DAPK2: variants seen among roughly 807,000 people sequenced by gnomAD.
DAPK2 encodes death-associated protein kinase 2.
A neutral mutation model predicts 44.1 loss-of-function variants in DAPK2; 35 were observed. The ratio of observed to expected loss-of-function variants is 0.79; its 90% CI spans 0.61 to 1.05. DAPK2 has a LOEUF of 1.05. Among genes scored for constraint, DAPK2 ranks in the 50% least tolerant of loss-of-function variants. DAPK2 has a pLI of 0.00. For synonymous variants in DAPK2, 174 were observed against 182.6 expected, an observed-to-expected ratio of 0.95 and a Z score of 0.38; for missense variants, 453 against 483.2, an observed-to-expected ratio of 0.94 and a Z score of 0.59.
chr15:63,922,690 C>T, intron 8 of DAPK2: 3 of 1,474,846 alleles, frequency 2.0e-6, no homozygotes, highest in Non-Finnish European at 2.7e-6. Flanking sequence ...TGAGAACATG[C>T]TTCTGCAAAC....
intron 3 of DAPK2, among the ~76,000 whole-genome samples, chr15:63,967,559 C>A (rs972043159): frequency 6.6e-6 from 1 of 151,832 alleles, no homozygotes; most frequent in African/African-American, 2.4e-5. Context: ...GGCGTGGTGG[C>A]AGGCACCTGT....
chr15:64,014,629 A>G (rs1038953733), intron 1 of DAPK2, among the ~76,000 whole-genome samples: 2 of 152,244 alleles, frequency 1.3e-5, no homozygotes, highest in African/African-American at 4.8e-5. Context: ...TTACACAAAA[A>G]TAAGACCTGG....
At chr15:63,930,155 C>G (rs1031891552) in intron 5 of DAPK2, among the ~76,000 whole-genome samples, 1 of 152,206 alleles carries the variant, frequency 6.6e-6, no homozygotes, top group Non-Finnish European at 1.5e-5. Context: ...TCCCCCTTGC[C>G]TCTCCTCTTG....
In DAPK2 at chr15:63,935,055, T is replaced by G. The variant is rs138030505; in HGVS notation, c.583+4177A>C. ...TCAATGTTTTGGGGTTTTTTTTTAA[T>G]TGTTCTTATTTGTTTTTCTTAAATC... On this transcript the variant is annotated intron_variant, in intron 4 of 10. Coordinates refer to ENST00000261891, the Ensembl canonical transcript of DAPK2. 5.0e-4 allele frequency among the ~76,000 whole-genome samples: 76 copies of G among 151,796 alleles called. No homozygotes were observed. In the East Asian group the frequency reaches 0.013, roughly 26 times the overall value.
intron 2 of DAPK2, among the ~76,000 whole-genome samples, chr15:63,978,498 G>A (rs1298197980): frequency 6.6e-6 from 1 of 152,126 alleles, no homozygotes; most frequent in African/African-American, 2.4e-5. Flanking sequence ...GAGACCTGGT[G>A]AGACATGGTC....
chr15:64,043,605 G>A (rs4776781), upstream of DAPK2, among the ~76,000 whole-genome samples: 17,166 of 152,250 alleles, frequency 0.11, 1,323 homozygotes, highest in South Asian at 0.34. Context: ...GGGAGAGTTG[G>A]AAGGGGAGCT....
At chr15:64,037,674 G>C (rs2080246350) in intron 1 of DAPK2, among the ~76,000 whole-genome samples, 1 of 152,172 alleles carries the variant, frequency 6.6e-6, no homozygotes, top group Non-Finnish European at 1.5e-5. Flanking sequence ...TTCAGAAGCT[G>C]AGTGGTCATT....
At position 63,923,317 on chromosome 15, in the gene DAPK2, T is replaced by C; in HGVS notation, c.858+1499A>G. 1.3e-6 allele frequency: 2 copies of C among 1,535,664 alleles called. No individual in the cohort carries two copies. The highest frequency in any genetic ancestry group is 8.7e-7 in the Non-Finnish European group (1 of 1,146,576). On this transcript the variant is annotated intron_variant, in intron 8 of 10. Coordinates refer to ENST00000261891, the Ensembl canonical transcript of DAPK2. This position sits in a 1 kb window ranked among gnomAD's most constrained non-coding sequence, Gnocchi z 4.2. ...GCTGGGTGGGCTCTGTCTTCCGCTGTTCAGGGGCTCTGCCTTCTCCTTTTG... is the reference window on the plus strand; with the variant it reads ...GCTGGGTGGGCTCTGTCTTCCGCTGCTCAGGGGCTCTGCCTTCTCCTTTTG...
intron 1 of DAPK2, among the ~76,000 whole-genome samples, chr15:64,033,273 G>T (rs1255582113): frequency 1.8e-5 from 2 of 110,812 alleles, no homozygotes; most frequent in East Asian, 2.6e-4. Context: ...GAGGGGGAGG[G>T]GGAAGGGGGA....
At chr15:63,985,049 C>T (rs2078631525) in intron 1 of DAPK2, among the ~76,000 whole-genome samples, 1 of 152,200 alleles carries the variant, frequency 6.6e-6, no homozygotes, top group Non-Finnish European at 1.5e-5. Context: ...CTCTCCATTG[C>T]CTTAATCTCC....
chr15:63,928,825 A>G (rs187083647), intron 6 of DAPK2, among the ~76,000 whole-genome samples: 28 of 152,250 alleles, frequency 1.8e-4, no homozygotes, highest in African/African-American at 6.5e-4. Context: ...TGAGAGGAAG[A>G]AAAGGGGATC....
intron 1 of DAPK2, among the ~76,000 whole-genome samples, chr15:63,985,574 T>G (rs866302390): frequency 2.0e-5 from 3 of 152,170 alleles, no homozygotes; most frequent in Non-Finnish European, 4.4e-5. Flanking sequence ...ACAGAAGCCC[T>G]GAGTTCCTAC....
At chr15:64,018,118 C>A (rs2079581807) in intron 1 of DAPK2, among the ~76,000 whole-genome samples, 1 of 152,216 alleles carries the variant, frequency 6.6e-6, no homozygotes, top group Non-Finnish European at 1.5e-5. Flanking sequence ...TACATCCTTT[C>A]TCTTAAGAAA....
intron 3 of DAPK2, among the ~76,000 whole-genome samples, chr15:63,969,887 T>C (rs1471614975): frequency 6.6e-6 from 1 of 152,208 alleles, no homozygotes; most frequent in Non-Finnish European, 1.5e-5. Flanking sequence ...GCATAGCCAC[T>C]GTGAGATAAT....
chr15:63,920,299 C>T (rs965286522), intron 8 of DAPK2: 1 of 152,158 alleles, frequency 6.6e-6, no homozygotes. Flanking sequence ...CGGCTTGGGA[C>T]TCCTGTTCTC....
chr15:63,982,365 A>G (rs930709591), intron 2 of DAPK2, among the ~76,000 whole-genome samples: 5 of 151,642 alleles, frequency 3.3e-5, no homozygotes, highest in Admixed American at 1.3e-4. Context: ...TAATTTTTGT[A>G]TTTTCAGTAG....
chr15:64,044,020 T>G (rs1383782021), upstream of DAPK2, among the ~76,000 whole-genome samples: 1 of 152,158 alleles, frequency 6.6e-6, no homozygotes, highest in East Asian at 1.9e-4. Context: ...TAAGGCGAAT[T>G]TGCATTTTAC....
chr15:63,917,281 T>A lies in DAPK2; in HGVS notation c.859-5084A>T, dbSNP rs2078952043. On this transcript the variant is annotated intron_variant, in intron 8 of 10. Transcript: ENST00000261891. The surrounding 1 kb of genome is among the most constrained non-coding windows in gnomAD (Gnocchi z 4.4). ...AGGAGGCTGAGGCAGGAGAATTGCT[T>A]GAACCTGGAAGATGGAGGTTGCAGT... The A allele has an allele frequency of 3.3e-5, 5 of 151,466 alleles. No homozygotes were observed. The South Asian group carries it at 1.0e-3, about 31-fold the overall frequency. The allele number at this position is 151,466 out of a possible 1,614,324, so 9.4% of individuals were successfully genotyped here. A position where few individuals can be genotyped will look rare whatever the true frequency, so the allele number is the denominator to read the frequency against.
chr15:64,041,220 A>G (rs1035820939), upstream of DAPK2, among the ~76,000 whole-genome samples: 7 of 152,196 alleles, frequency 4.6e-5, no homozygotes, highest in Non-Finnish European at 1.0e-4. Flanking sequence ...AAATTCCTAC[A>G]GGCACCAGGA....
Sources: gnomAD v4.1 joint callset for allele counts (sites outside exome capture counted in the v4.1 genomes callset) on GRCh38, gnomAD v4.1.1 for gene constraint, Gnocchi (gnomAD v3.1) non-coding constraint, MANE v1.5 for transcripts, NCBI Gene and HGNC (gene_info 2026-07-23, HGNC 2026-07-21) for gene names.